The following NRXN3 variants were observed in gnomAD, a reference collection of about 807,000 sequenced individuals.
The protein encoded by NRXN3 is neurexin 3.
NRXN3 carries 32 observed loss-of-function variants against 137.6 expected under a neutral mutation model. The ratio of observed to expected loss-of-function variants is 0.23; its 90% confidence interval spans 0.18 to 0.31. The LOEUF is 0.31. NRXN3 is among the 10% of genes least tolerant of loss of function. NRXN3 has a pLI of 1.00. For synonymous variants in NRXN3, 798 were observed against 784.5 expected, an observed-to-expected ratio of 1.02 and a Z score of -0.29; for missense variants, 1,574 against 2,062.5, an observed-to-expected ratio of 0.76 and a Z score of 4.59.
At chr14:79,080,145 A>G (rs998318619) in intron 15 of NRXN3, among the ~76,000 whole-genome samples, 3 of 152,182 alleles carry the variant, frequency 2.0e-5, no homozygotes, top group African/African-American at 4.8e-5. Context: ...AGCTGGGGGC[A>G]GCCAGAAGCA....
At chr14:78,929,747 G>A (rs1313057003) in intron 10 of NRXN3, among the ~76,000 whole-genome samples, 2 of 152,092 alleles carry the variant, frequency 1.3e-5, no homozygotes, top group Non-Finnish European at 2.9e-5. Context: ...ATTCAGACAA[G>A]CAAATGCTAA....
intron 15 of NRXN3, chr14:79,281,937 A>T: frequency 6.6e-6 from 1 of 152,184 alleles, no homozygotes; most frequent in East Asian, 1.9e-4. Context: ...AAATGCCAGC[A>T]CATACTCTGG....
intron 11 of NRXN3, among the ~76,000 whole-genome samples, chr14:78,963,192 A>T (rs879303256): frequency 4.6e-5 from 7 of 152,024 alleles, no homozygotes; most frequent in Non-Finnish European, 5.9e-5. Flanking sequence ...TGAAAAATTA[A>T]TTTTCTAGTG....
At chr14:78,925,324 A>G (rs957048119) in intron 10 of NRXN3, among the ~76,000 whole-genome samples, 3 of 152,210 alleles carry the variant, frequency 2.0e-5, no homozygotes, top group Admixed American at 1.3e-4. Context: ...TGGGCCATGG[A>G]GAACATTTAT....
rs866935580 is a variant in NRXN3 at position 78,726,195 on chromosome 14, C to T, written c.2044+11056C>T. ...AACACTCTTTTTATTTTATTTTGTT[C>T]CTTTTTTTATTATACTTTAAGTTCT... is the stretch of plus-strand genomic sequence containing the variant. On this transcript the variant is annotated intron_variant, in intron 8 of 20. Coordinates refer to ENST00000335750, the MANE Select transcript of NRXN3 (RefSeq NM_001330195.2). Among the ~76,000 whole-genome samples the T allele has an allele frequency of 9.2e-5, 14 of 152,202 alleles. No individual in the cohort carries two copies. In the Middle Eastern group the frequency reaches 0.014, roughly 148 times the overall value.
At position 79,404,528 on chromosome 14, in the gene NRXN3, G is replaced by A. The variant is rs542370301; in HGVS notation, c.3263-62693G>A. On this transcript the variant is annotated intron_variant, in intron 15 of 20. Coordinates refer to ENST00000335750, the MANE Select transcript of NRXN3 (RefSeq NM_001330195.2). ...GTTAATGGTAAAAAGAAATCTAGAA[G>A]AAGAGTTCTGGAAATGAAAGACAGC... Among the ~76,000 whole-genome samples, 3 of 152,220 alleles carry A rather than the reference G, an allele frequency of 2.0e-5. No individual in the cohort carries two copies. The East Asian group carries it at 5.8e-4, about 29-fold the overall frequency.
chr14:79,439,027 C>T (rs1298431520), intron 15 of NRXN3, among the ~76,000 whole-genome samples: 2 of 152,246 alleles, frequency 1.3e-5, no homozygotes, highest in Admixed American at 1.3e-4. Flanking sequence ...ACCACATTTT[C>T]CACTTTCTTT....
chr14:78,492,040 TA>T (rs1184445904), intron 4 of NRXN3, among the ~76,000 whole-genome samples: 1 of 152,204 alleles, frequency 6.6e-6, no homozygotes, highest in Non-Finnish European at 1.5e-5. Flanking sequence ...TTAGCTCTCT[TA>T]GCCTCTGTTT....
In NRXN3 at chr14:78,278,740, C is replaced by T; in HGVS notation, c.727+78C>T. 3 of 1,220,242 alleles carry T rather than the reference C, an allele frequency of 2.5e-6. No individual in the cohort carries two copies. In the South Asian group the frequency reaches 3.9e-5, roughly 16 times the overall value. The allele number at this position is 1,220,242 out of a possible 1,614,324, so 75.6% of individuals were successfully genotyped here. On this transcript the variant is annotated intron_variant, in intron 3 of 20. Transcript: ENST00000335750. The stretch of plus-strand genomic sequence containing the variant: ...GTGCATGGTTTGAGTCTGAGTGAGA[C>T]TTTTATAGAGACAAAATTCTAAGTG...
At position 79,576,165 on chromosome 14, in the gene NRXN3, A is replaced by C. The variant is rs150714768; in HGVS notation, c.3445-87613A>C. ...CTAAGTATAGGAGCAGAAATAAATT[A>C]AAAATGCTTTTTCCCAGAAGCCCCA... On this transcript the variant is annotated intron_variant, in intron 16 of 20. Coordinates refer to ENST00000335750, the MANE Select transcript of NRXN3 (RefSeq NM_001330195.2). Among the ~76,000 whole-genome samples the C allele has an allele frequency of 5.2e-3, 798 of 152,278 alleles. 5 individuals are homozygous for C. The highest frequency in any genetic ancestry group is 0.018 in the African/African-American group (761 of 41,556).
At chr14:78,935,458 T>C (rs1312315430) in intron 10 of NRXN3, among the ~76,000 whole-genome samples, 1 of 152,126 alleles carries the variant, frequency 6.6e-6, no homozygotes, top group Admixed American at 6.5e-5. Context: ...CCTGACAAAA[T>C]GGCATAGTAT....
At chr14:79,766,230 A>G (rs1337723626) in intron 19 of NRXN3, among the ~76,000 whole-genome samples, 2 of 152,072 alleles carry the variant, frequency 1.3e-5, no homozygotes, top group East Asian at 3.9e-4. Context: ...TGTCCACTTC[A>G]TGCCATTATG....
chr14:79,529,164 C>G (rs1247074940), intron 16 of NRXN3, among the ~76,000 whole-genome samples: 3 of 152,086 alleles, frequency 2.0e-5, no homozygotes, highest in African/African-American at 7.2e-5. Context: ...AATTTCTGTC[C>G]CTTTTAATGG....
intron 20 of NRXN3, among the ~76,000 whole-genome samples, chr14:79,810,427 G>A (rs1336572256): frequency 6.6e-6 from 1 of 152,152 alleles, no homozygotes; most frequent in Non-Finnish European, 1.5e-5. Context: ...CCATCAATAA[G>A]ACTGTGCTAA....
intron 16 of NRXN3, among the ~76,000 whole-genome samples, chr14:79,530,317 C>T (rs1258005447): frequency 6.6e-6 from 1 of 152,060 alleles, no homozygotes; most frequent in Non-Finnish European, 1.5e-5. Flanking sequence ...AGCAAAATGA[C>T]ACTCTATATA....
chr14:78,919,896 A>G (rs1042393685), intron 10 of NRXN3, among the ~76,000 whole-genome samples: 11 of 152,226 alleles, frequency 7.2e-5, no homozygotes, highest in African/African-American at 2.4e-4. Context: ...CACAGTGCTA[A>G]GCACGTCACA....
chr14:79,620,044 G>T (rs570938444), intron 16 of NRXN3, among the ~76,000 whole-genome samples: 2 of 152,128 alleles, frequency 1.3e-5, no homozygotes, highest in East Asian at 3.9e-4. Flanking sequence ...TGCATCTGGA[G>T]TTGGCTCCAG....
intron 15 of NRXN3, among the ~76,000 whole-genome samples, chr14:79,413,957 C>A (rs538629546): frequency 6.7e-6 from 1 of 149,248 alleles, no homozygotes; most frequent in Admixed American, 6.7e-5. Context: ...TTGCTACAGG[C>A]AGTGCATGGC....
At chr14:79,848,588 G>T (rs1478982088) in intron 20 of NRXN3, among the ~76,000 whole-genome samples, 5 of 151,974 alleles carry the variant, frequency 3.3e-5, no homozygotes, top group Non-Finnish European at 5.9e-5. Context: ...ACTATTATAG[G>T]TAATATATTT....
Sources: gnomAD v4.1 joint callset for allele counts (sites outside exome capture counted in the v4.1 genomes callset) on GRCh38, gnomAD v4.1.1 for gene constraint, MANE v1.5 for transcripts, NCBI Gene and HGNC (gene_info 2026-07-23, HGNC 2026-07-21) for gene names.